The following ALG12 variants were observed in gnomAD, a reference collection of about 807,000 sequenced individuals.
ALG12 encodes dol-P-Man:Man(7)GlcNAc(2)-PP-Dol alpha-1,6-mannosyltransferase.
In ALG12, 36 loss-of-function variants were observed where a neutral mutation model predicts 46.0. That is an observed-to-expected ratio of 0.78 (90% CI 0.60 to 1.03). The LOEUF (loss-of-function observed/expected upper bound fraction) is 1.03, where lower values mean the gene tolerates loss of function less well. Among genes scored for constraint, ALG12 ranks in the 50% least tolerant of loss-of-function variants. The probability of loss-of-function intolerance (pLI) is 0.00; values close to 1 mark genes in which losing one functional copy is unlikely to be tolerated. For missense variants in ALG12, 599 were observed against 633.5 expected, an observed-to-expected ratio of 0.95 and a Z score of 0.58; for synonymous variants, 326 against 291.6, an observed-to-expected ratio of 1.12 and a Z score of -1.20.
the ALG12 span, among the ~76,000 whole-genome samples, chr22:49,862,693 C>CTTTTT: frequency 8.5e-5 from 5 of 58,988 alleles, 1 homozygote; most frequent in African/African-American, 2.2e-4. Flanking sequence ...TAAGTTTTTC[C>CTTTTT]TTTTTTTTTT....
chr22:49,873,937 G>A, the ALG12 span, among the ~76,000 whole-genome samples: 1 of 152,260 alleles, frequency 6.6e-6, no homozygotes, highest in Non-Finnish European at 1.5e-5. Flanking sequence ...CCACCAGGGA[G>A]GAGAGATGCC....
chr22:49,874,698 T>TTTTTTTTTTG, the ALG12 span, among the ~76,000 whole-genome samples: 2 of 142,292 alleles, frequency 1.4e-5, no homozygotes, highest in Non-Finnish European at 3.1e-5. Context: ...TTTTTTTTTT[T>TTTTTTTTTTG]GAGACGGAGT....
At chr22:49,910,664 C>A (rs375571445) in intron 3 of ALG12, 57 bp from the exon 4 acceptor site, 1 of 1,603,098 alleles carries the variant, frequency 6.2e-7, no homozygotes, top group African/African-American at 1.3e-5. Context: ...CCAGTGGGGC[C>A]CCCTACGTGG....
downstream of ALG12, among the ~76,000 whole-genome samples, chr22:49,897,478 C>A (rs182844201): frequency 6.6e-6 from 1 of 152,140 alleles, no homozygotes; most frequent in Non-Finnish European, 1.5e-5. Context: ...CACATCCGCA[C>A]CAGCACTTGG....
Position 49,900,490 on chromosome 22 carries a change from T to C in ALG12, c.*3348A>G, listed in dbSNP as rs1020576857. 1.3e-5 allele frequency: 2 copies of C among 152,226 alleles called. No homozygotes were observed. The highest frequency in any genetic ancestry group is 4.8e-5 in the African/African-American group (2 of 41,398). 9.4% of individuals were successfully genotyped at this position (152,226 alleles called of 1,614,324 possible). ...GCTGTATTTCCAACGAAGGCACCAC[T>C]ACACTGACGGTGGAGAAGCCGACCC... On this transcript the variant is annotated 3_prime_UTR_variant, in exon 10 of 10. Coordinates refer to ENST00000330817, the MANE Select transcript of ALG12 (RefSeq NM_024105.4).
chr22:49,891,754 A>G, the ALG12 span, among the ~76,000 whole-genome samples: 22 of 152,224 alleles, frequency 1.4e-4, no homozygotes, highest in African/African-American at 4.6e-4. Flanking sequence ...ACAAGTTAGT[A>G]TGAGTTTATT....
chr22:49,917,235 G>A (rs1002937931), intron 1 of ALG12, among the ~76,000 whole-genome samples: 12 of 152,004 alleles, frequency 7.9e-5, no homozygotes, highest in Non-Finnish European at 1.0e-4. Context: ...CGGGTGCTTC[G>A]AGAGCACCCA....
chr22:49,874,560 A>G, the ALG12 span, among the ~76,000 whole-genome samples: 5 of 148,740 alleles, frequency 3.4e-5, no homozygotes, highest in East Asian at 6.0e-4. Flanking sequence ...TTTTTAGTAG[A>G]CATGGGATTT....
Position 49,903,226 on chromosome 22 carries a change from C to T in ALG12, c.*612G>A. ...TTATTTTCTGTAATCTTGAGAGGTTCCAATCAACATTTATTGCCTTATTCT... is the reference window on the plus strand; with the variant it reads ...TTATTTTCTGTAATCTTGAGAGGTTTCAATCAACATTTATTGCCTTATTCT... On this transcript the variant is annotated 3_prime_UTR_variant, in exon 10 of 10. Transcript: ENST00000330817. 2.4e-6 allele frequency: 1 copy of T among 413,844 alleles called. No homozygotes were observed. Among genetic ancestry groups the T allele is most frequent in the East Asian group, 7.1e-5 (1 of 14,000 alleles). 25.6% of individuals were successfully genotyped at this position (413,844 alleles called of 1,614,324 possible). A position where few individuals can be genotyped will look rare whatever the true frequency, so the allele number is the denominator to read the frequency against.
rs907984438 is a variant in ALG12, at chr22:49,905,828, G to A, written c.993-1322C>T. Among the ~76,000 whole-genome samples, 3 of 152,108 alleles carry A rather than the reference G, an allele frequency of 2.0e-5. No individual in the cohort carries two copies. The highest frequency in any genetic ancestry group is 2.9e-5 in the Non-Finnish European group (2 of 67,982). On this transcript the variant is annotated intron_variant, in intron 7 of 9. Transcript: ENST00000330817. The surrounding 1 kb of genome is among the most constrained non-coding windows in gnomAD (Gnocchi z 4.9). ...AATCTCTGGTGCGGTTTCTGAGCTC[G>A]AGGCCCCACCTAGGATGACCGCAGC... is the stretch of plus-strand genomic sequence containing the variant.
At chr22:49,904,658 T>G in intron 7 of ALG12, 152 bp from the exon 8 acceptor site, 2 of 852,474 alleles carry the variant, frequency 2.3e-6, no homozygotes, top group Non-Finnish European at 3.8e-6. Context: ...CAGTAACCCG[T>G]AAAAGTGGTT....
the ALG12 span, among the ~76,000 whole-genome samples, chr22:49,860,584 T>C: frequency 6.6e-6 from 1 of 152,128 alleles, no homozygotes; most frequent in African/African-American, 2.4e-5. Context: ...TCTTGTTTTA[T>C]TTTTTATTTT....
At chr22:49,870,428 T>C in the ALG12 span, among the ~76,000 whole-genome samples, 1 of 152,222 alleles carries the variant, frequency 6.6e-6, no homozygotes, top group Non-Finnish European at 1.5e-5. Flanking sequence ...GCTGAACTCA[T>C]TGACATCCCT....
intron 1 of ALG12, among the ~76,000 whole-genome samples, 197 bp from the exon 2 acceptor site, chr22:49,914,040 G>A (rs2060596677): frequency 6.6e-6 from 1 of 152,202 alleles, no homozygotes; most frequent in African/African-American, 2.4e-5. Flanking sequence ...CCAGTGATCT[G>A]ACACTTCCAG....
chr22:49,884,877 T>C, the ALG12 span: 1 of 1,605,786 alleles, frequency 6.2e-7, no homozygotes, highest in East Asian at 2.2e-5. Flanking sequence ...ACCCTGGAGA[T>C]GGGCTGATGG....
downstream of ALG12, among the ~76,000 whole-genome samples, chr22:49,896,535 G>C (rs551572955): frequency 7.2e-5 from 11 of 152,346 alleles, no homozygotes; most frequent in South Asian, 4.1e-4. Context: ...TTGTCTCTCT[G>C]CCACAGCACC....
chr22:49,906,485 AAC>A lies in ALG12; in HGVS notation c.992+1234_992+1235del, dbSNP rs1442879878. On this transcript the variant is annotated intron_variant, in intron 7 of 9. Transcript: ENST00000330817. This position sits in a 1 kb window ranked among gnomAD's most constrained non-coding sequence, Gnocchi z 4.4. ...GCAGCCGGAGGAACCCCCAGCGAGG[AAC>A]AGTCACGGCAGCCAGAGGAGCTCCC... is the stretch of plus-strand genomic sequence containing the variant. 6.6e-6 allele frequency among the ~76,000 whole-genome samples: 1 copy of A among 152,028 alleles called. No homozygotes were observed. Among genetic ancestry groups the A allele is most frequent in the Non-Finnish European group, 1.5e-5 (1 of 67,974 alleles).
the ALG12 span, chr22:49,884,475 G>A: frequency 5.0e-6 from 8 of 1,614,064 alleles, no homozygotes; most frequent in East Asian, 2.2e-5. Context: ...AGAACTTAGC[G>A]GAGAAGAGCC....
the ALG12 span, among the ~76,000 whole-genome samples, chr22:49,891,530 C>T: frequency 2.6e-5 from 4 of 152,184 alleles, no homozygotes; most frequent in African/African-American, 7.2e-5. Context: ...CTTCTTAAAA[C>T]GAGGTATCTA....
Sources: allele counts gnomAD v4.1 joint callset (sites outside exome capture counted in the v4.1 genomes callset), GRCh38; gene constraint gnomAD v4.1.1; non-coding constraint Gnocchi (gnomAD v3.1); transcripts MANE v1.5; gene names NCBI Gene and HGNC (gene_info 2026-07-23, HGNC 2026-07-21).